SLIT3: variants seen among roughly 807,000 people sequenced by gnomAD.
SLIT3 encodes the protein slit guidance ligand 3.
A neutral mutation model predicts 184.0 loss-of-function variants in SLIT3; 68 were observed. That is an observed-to-expected ratio of 0.37 (90% confidence interval 0.30 to 0.45). The LOEUF is 0.45. Among genes scored for constraint, SLIT3 ranks in the 20% least tolerant of loss-of-function variants. SLIT3 has a pLI of 1.00. For missense variants in SLIT3, 1,707 were observed against 2,026.0 expected (o/e 0.84, Z 3.02); for synonymous variants, 831 against 828.6 (o/e 1.00, Z -0.05).
chr5:169,059,133 C>G (rs1026677760), intron 4 of SLIT3, among the ~76,000 whole-genome samples: 2 of 152,192 alleles, frequency 1.3e-5, no homozygotes, highest in Admixed American at 6.5e-5. Flanking sequence ...CTCTAGGCAT[C>G]CTTTGACTTC....
chr5:169,185,533 T>C (rs1382186133), intron 4 of SLIT3, among the ~76,000 whole-genome samples: 1 of 152,194 alleles, frequency 6.6e-6, no homozygotes, highest in Non-Finnish European at 1.5e-5. Context: ...CACTGGAAAT[T>C]TGGGTAGTAT....
intron 1 of SLIT3, among the ~76,000 whole-genome samples, chr5:169,296,073 T>C (rs755983108): frequency 6.6e-6 from 1 of 152,222 alleles, no homozygotes; most frequent in Admixed American, 6.5e-5. Context: ...TAAATATTAG[T>C]TCATAAAATC....
intron 4 of SLIT3, among the ~76,000 whole-genome samples, chr5:169,183,730 GT>G (rs1455191685): frequency 6.6e-6 from 1 of 152,162 alleles, no homozygotes; most frequent in African/African-American, 2.4e-5. Context: ...GATTCAAAAT[GT>G]TTTATGCAGC....
intron 3 of SLIT3, among the ~76,000 whole-genome samples, chr5:169,224,366 A>AT (rs1561749869): frequency 8.5e-6 from 1 of 117,082 alleles, no homozygotes; most frequent in Non-Finnish European, 1.8e-5. Context: ...AAAATTTTTT[A>AT]TTATTTATTT....
chr5:168,822,473 C>T (rs1039936212), intron 7 of SLIT3, among the ~76,000 whole-genome samples: 1 of 152,070 alleles, frequency 6.6e-6, no homozygotes, highest in Non-Finnish European at 1.5e-5. Context: ...GCAAATACCA[C>T]CGAAGCTCCA....
At chr5:168,740,319 G>A (rs573351775) in intron 20 of SLIT3, among the ~76,000 whole-genome samples, 1 of 152,216 alleles carries the variant, frequency 6.6e-6, no homozygotes, top group African/African-American at 2.4e-5. Flanking sequence ...GGTTAATAGA[G>A]AGCTGACTGG....
intron 4 of SLIT3, among the ~76,000 whole-genome samples, chr5:169,162,180 A>T (rs906711396): frequency 2.6e-5 from 4 of 152,156 alleles, no homozygotes; most frequent in Non-Finnish European, 5.9e-5. Context: ...TTTGGGTTGT[A>T]CTTCCCAGTA....
At position 168,826,818 on chromosome 5, in the gene SLIT3, G is replaced by A. The variant is rs192006101; in HGVS notation, c.558-3487C>T. Among the ~76,000 whole-genome samples the A allele has an allele frequency of 6.5e-3, 985 of 152,316 alleles. 19 individuals are homozygous for A. The highest frequency in any genetic ancestry group is 0.036 in the South Asian group (172 of 4,814). ...GCTGTGTCGCCCAGGCTGAAGGGTA[G>A]TGGTGTGATCTCGGCTCACTGCAAC... is the stretch of plus-strand genomic sequence containing the variant. On this transcript the variant is annotated intron_variant, in intron 6 of 35. Transcript: ENST00000519560.
chr5:168,952,845 G>T (rs1269020395), intron 4 of SLIT3, among the ~76,000 whole-genome samples: 1 of 152,236 alleles, frequency 6.6e-6, no homozygotes, highest in Non-Finnish European at 1.5e-5. Flanking sequence ...TTCGCAGTCG[G>T]GGAGAGAGAT....
intron 4 of SLIT3, among the ~76,000 whole-genome samples, chr5:169,076,787 A>T (rs1002222842): frequency 6.6e-6 from 1 of 152,178 alleles, no homozygotes; most frequent in Non-Finnish European, 1.5e-5. Context: ...AGCTAAGCAG[A>T]AATAGAATCT....
At chr5:168,910,866 A>G (rs1314924866) in intron 4 of SLIT3, among the ~76,000 whole-genome samples, 1 of 152,152 alleles carries the variant, frequency 6.6e-6, no homozygotes, top group Non-Finnish European at 1.5e-5. Context: ...CTTTTAAAAC[A>G]CAGTTTATGC....
At position 169,103,645 on chromosome 5, in the gene SLIT3, G is replaced by T. The variant is rs183533893; in HGVS notation, c.413+89834C>A. Among the ~76,000 whole-genome samples the T allele has an allele frequency of 1.8e-4, 28 of 152,322 alleles. No individual in the cohort carries two copies. In the East Asian group the frequency reaches 5.2e-3, roughly 28 times the overall value. Reference sequence around the variant, plus strand: ...TGGGCATGCTGTTACCGGGAGGTGGGTGGGTCTGCCACGTTCCTAGGTCCA... The same window carrying T: ...TGGGCATGCTGTTACCGGGAGGTGGTTGGGTCTGCCACGTTCCTAGGTCCA... On this transcript the variant is annotated intron_variant, in intron 4 of 35. Transcript: ENST00000519560.
At chr5:168,739,991 A>G (rs1210803904) in intron 20 of SLIT3, among the ~76,000 whole-genome samples, 1 of 152,262 alleles carries the variant, frequency 6.6e-6, no homozygotes, top group Non-Finnish European at 1.5e-5. Context: ...TTACTTTTAA[A>G]TGGAATTAAT....
At chr5:169,232,387 C>A (rs1366980387) in intron 3 of SLIT3, among the ~76,000 whole-genome samples, 2 of 151,918 alleles carry the variant, frequency 1.3e-5, no homozygotes, top group Non-Finnish European at 2.9e-5. Flanking sequence ...ACCACACCTG[C>A]CTAATTTTTG....
intron 1 of SLIT3, among the ~76,000 whole-genome samples, chr5:169,260,900 C>T (rs1415564691): frequency 6.6e-6 from 1 of 152,140 alleles, no homozygotes; most frequent in African/African-American, 2.4e-5. Flanking sequence ...CGCTGTATAC[C>T]ATAGGTTGGC....
chr5:169,285,402 C>T (rs1767121944), intron 1 of SLIT3, among the ~76,000 whole-genome samples: 1 of 152,148 alleles, frequency 6.6e-6, no homozygotes, highest in Non-Finnish European at 1.5e-5. Flanking sequence ...TTTTTGTCTA[C>T]TTAAGAGATT....
At chr5:169,240,579 C>CTTTTTTTTTTTT (rs67955225) in intron 3 of SLIT3, among the ~76,000 whole-genome samples, 3 of 114,350 alleles carry the variant, frequency 2.6e-5, no homozygotes, top group African/African-American at 3.4e-5. Flanking sequence ...CTATCATTTT[C>CTTTTTTTTTTTT]TTTTTTTTTT....
At chr5:168,897,678 A>ACACACACACACACACG (rs55657719) in intron 4 of SLIT3, among the ~76,000 whole-genome samples, 1 of 120,100 alleles carries the variant, frequency 8.3e-6, no homozygotes, top group African/African-American at 2.9e-5. Context: ...ACACACACAC[A>ACACACACACACACACG]AAGGGACATA....
At chr5:168,863,032 G>C (rs1340721496) in intron 5 of SLIT3, among the ~76,000 whole-genome samples, 1 of 151,862 alleles carries the variant, frequency 6.6e-6, no homozygotes, top group Non-Finnish European at 1.5e-5. Flanking sequence ...TGGGCTGGGG[G>C]TGCAGACGGA....
Sources: allele counts gnomAD v4.1 joint callset (sites outside exome capture counted in the v4.1 genomes callset), GRCh38; gene constraint gnomAD v4.1.1; transcripts MANE v1.5; gene names NCBI Gene and HGNC (gene_info 2026-07-23, HGNC 2026-07-21).